Variants in ABLIM2 observed in about 807,000 individuals in gnomAD.
ABLIM2 encodes the protein actin binding LIM protein family member 2, also known as actin-binding LIM protein 2.
In ABLIM2, 53 loss-of-function variants were observed where a neutral mutation model predicts 97.7. The ratio of observed to expected loss-of-function variants is 0.54; its 90% CI spans 0.44 to 0.68. The LOEUF (loss-of-function observed/expected upper bound fraction) is 0.68. Ranked by LOEUF, ABLIM2 falls within the 30% of genes least tolerant of loss-of-function variation. ABLIM2 has a pLI of 0.00. For synonymous variants in ABLIM2, 361 were observed against 345.8 expected, an observed-to-expected ratio of 1.04 and a Z score of -0.49; for missense variants, 835 against 867.2, an observed-to-expected ratio of 0.96 and a Z score of 0.47.
chr4:8,019,717 A>G lies in ABLIM2; in HGVS notation c.1370-46T>C. 6.4e-7 allele frequency: 1 copy of G among 1,553,956 alleles called. No individual in the cohort carries two copies. Among genetic ancestry groups the G allele is most frequent in the East Asian group, 2.2e-5 (1 of 44,484 alleles). On this transcript the variant is annotated intron_variant, in intron 13 of 20. Transcript: ENST00000447017. The surrounding 1 kb of genome is among the most constrained non-coding windows in gnomAD (Gnocchi z 4.3). ...AAAAGGAGAGAACAGGAGGGTAAGC[A>G]GCAAGTTGTGATGGTTTCTGTTCTA...
chr4:8,024,383 C>T (rs975871383), intron 12 of ABLIM2, among the ~76,000 whole-genome samples: 2 of 151,944 alleles, frequency 1.3e-5, no homozygotes, highest in Non-Finnish European at 2.9e-5. Context: ...GAAGGTGTGC[C>T]GGGGGTGAGG....
In ABLIM2 at chr4:8,002,629, G is replaced by A. The variant is rs1480580257; in HGVS notation, c.1618+5430C>T. ...CCAGCTTCTGGCGAGTCCCAGCTCC[G>A]CCACCCTCACCGTCTCGGTTTCCCA... On this transcript the variant is annotated intron_variant, in intron 16 of 20. Transcript: ENST00000447017. This position sits in a 1 kb window ranked among gnomAD's most constrained non-coding sequence, Gnocchi z 6.1. 1.3e-5 allele frequency among the ~76,000 whole-genome samples: 2 copies of A among 151,992 alleles called. No individual in the cohort carries two copies. The highest frequency in any genetic ancestry group is 2.4e-5 in the African/African-American group (1 of 41,360).
intron 1 of ABLIM2, among the ~76,000 whole-genome samples, chr4:8,154,281 C>A (rs76472061): frequency 8.7e-6 from 1 of 114,530 alleles, no homozygotes; most frequent in Non-Finnish European, 1.7e-5. Context: ...CTTTTCTTTT[C>A]TTTTTTTTTT....
rs1790068770 is a variant in ABLIM2, at chr4:8,043,431, G to A, written c.900+1733C>T. Reference sequence around the variant, plus strand: ...ATTATGGACTGAACTGTGTCTCCCCGAATTCCTGTGTTGGTAAAGTCCTAA... The same window carrying A: ...ATTATGGACTGAACTGTGTCTCCCCAAATTCCTGTGTTGGTAAAGTCCTAA... On this transcript the variant is annotated intron_variant, in intron 9 of 20. Transcript: ENST00000447017. This position sits in a 1 kb window ranked among gnomAD's most constrained non-coding sequence, Gnocchi z 4.8. Among the ~76,000 whole-genome samples, 1 of 152,054 alleles carries A rather than the reference G, an allele frequency of 6.6e-6. No homozygotes were observed. The highest frequency in any genetic ancestry group is 2.1e-4 in the South Asian group (1 of 4,818).
chr4:8,083,636 C>T lies in ABLIM2; in HGVS notation c.455-2834G>A, dbSNP rs1015365044. 2.0e-5 allele frequency among the ~76,000 whole-genome samples: 3 copies of T among 152,242 alleles called. No homozygotes were observed. The highest frequency in any genetic ancestry group is 2.0e-4 in the Admixed American group (3 of 15,284). ...CGTTGCCATGGAAACCACATCCTCA[C>T]TTTCTAAACACATCCGGAGCTCCAC... On this transcript the variant is annotated intron_variant, in intron 4 of 20. Transcript: ENST00000447017. The surrounding 1 kb of genome is among the most constrained non-coding windows in gnomAD (Gnocchi z 4.6).
chr4:8,051,548 G>T (rs1294471832), intron 8 of ABLIM2, among the ~76,000 whole-genome samples: 1 of 135,660 alleles, frequency 7.4e-6, no homozygotes, highest in Non-Finnish European at 1.5e-5. Context: ...TGAAGACAGA[G>T]CGAGATTCCA....
chr4:8,093,116 TG>T (rs1829733616), intron 3 of ABLIM2, among the ~76,000 whole-genome samples: 1 of 152,384 alleles, frequency 6.6e-6, no homozygotes, highest in South Asian at 2.1e-4. Flanking sequence ...CCCAAAGTGC[TG>T]GGATTACAGG....
intron 1 of ABLIM2, among the ~76,000 whole-genome samples, chr4:8,131,160 T>A (rs144563113): frequency 7.7e-4 from 118 of 152,290 alleles, no homozygotes; most frequent in African/African-American, 2.8e-3. Context: ...TTTTTCCACA[T>A]AAGGCAATAT....
At chr4:8,151,412 G>A (rs373269435) in intron 1 of ABLIM2, among the ~76,000 whole-genome samples, 2 of 152,278 alleles carry the variant, frequency 1.3e-5, no homozygotes, top group East Asian at 1.9e-4. Flanking sequence ...CCACAGACGC[G>A]AGGGACCCAG....
At position 8,123,698 on chromosome 4, in the gene ABLIM2, C is replaced by T. The variant is rs1226238488; in HGVS notation, c.11-17061G>A. 6.6e-6 allele frequency among the ~76,000 whole-genome samples: 1 copy of T among 152,170 alleles called. No individual in the cohort carries two copies. The highest frequency in any genetic ancestry group is 2.4e-5 in the African/African-American group (1 of 41,446). On this transcript the variant is annotated intron_variant, in intron 1 of 20. Coordinates refer to ENST00000447017, the MANE Select transcript of ABLIM2 (RefSeq NM_001130083.2). The surrounding 1 kb of genome is among the most constrained non-coding windows in gnomAD (Gnocchi z 6.2). ...GTCTCCTGGGGGCGTCATCCTTGTA[C>T]TGACAGGGTCCGGCTCACACACCAA...
At chr4:7,967,173 C>T (rs1459721907) in intron 20 of ABLIM2, 70 bp from the exon 21 acceptor site, 4 of 1,333,944 alleles carry the variant, frequency 3.0e-6, no homozygotes, top group East Asian at 2.3e-5. Context: ...GGGCAGTTTG[C>T]TGCCGCCAAG....
rs73214090 is a variant in ABLIM2 at position 8,016,782 on chromosome 4, T to C, written c.1423+2836A>G. On this transcript the variant is annotated intron_variant, in intron 14 of 20. Transcript: ENST00000447017. ...TGCTCTCCACAGAACACCTGCCCAGTGTTGGCGTCTCTACCAATGAACGGA... is the reference window on the plus strand; with the variant it reads ...TGCTCTCCACAGAACACCTGCCCAGCGTTGGCGTCTCTACCAATGAACGGA... Among the ~76,000 whole-genome samples the C allele has an allele frequency of 8.2e-3, 1,246 of 152,304 alleles. 11 individuals carry two copies. Among genetic ancestry groups the C allele is most frequent in the South Asian group, 0.014 (69 of 4,828 alleles).
At position 8,059,906 on chromosome 4, in the gene ABLIM2, C is replaced by CA. The variant is rs201148410; in HGVS notation, c.763+1060dup. 3.5e-3 allele frequency among the ~76,000 whole-genome samples: 434 copies of CA among 123,912 alleles called. 1 individual carries two copies. The highest frequency in any genetic ancestry group is 6.0e-3 in the African/African-American group (209 of 34,700). The allele number at this position is 123,912 out of a possible 152,430, so 81.3% of individuals were successfully genotyped here. ...TGGGCAACAGAGCAAGACTCTGTTT[C>CA]AAAAAAAAAAAAAAAAAAAAACCCC... On this transcript the variant is annotated intron_variant, in intron 7 of 20. Transcript: ENST00000447017.
Position 8,130,608 on chromosome 4 carries a change from G to A in ABLIM2, c.11-23971C>T, listed in dbSNP as rs900446003. On this transcript the variant is annotated intron_variant, in intron 1 of 20. Coordinates refer to ENST00000447017, the MANE Select transcript of ABLIM2 (RefSeq NM_001130083.2). The surrounding 1 kb of genome is among the most constrained non-coding windows in gnomAD (Gnocchi z 4.2). ...AGGCAGCCTGGCCCGAGTCCAGGGT[G>A]TGCTTGACGGCACCCAGGGGAGCAC... is the stretch of plus-strand genomic sequence containing the variant. Among the ~76,000 whole-genome samples the A allele has an allele frequency of 2.0e-5, 3 of 152,048 alleles. No homozygotes were observed. Among genetic ancestry groups the A allele is most frequent in the Non-Finnish European group, 2.9e-5 (2 of 68,022 alleles).
chr4:8,071,953 G>A lies in ABLIM2; in HGVS notation c.675+5675C>T, dbSNP rs1377411009. ...ACCGGCACACTGGGCCGAGCATCAGGCAGTGCCACCGCGGCGGCGGCAGCT... is the reference window on the plus strand; with the variant it reads ...ACCGGCACACTGGGCCGAGCATCAGACAGTGCCACCGCGGCGGCGGCAGCT... On this transcript the variant is annotated intron_variant, in intron 6 of 20. Transcript: ENST00000447017. This position sits in a 1 kb window ranked among gnomAD's most constrained non-coding sequence, Gnocchi z 6.2. The A allele has an allele frequency of 1.0e-6, 1 of 985,378 alleles. No homozygotes were observed. Among genetic ancestry groups the A allele is most frequent in the African/African-American group, 1.7e-5 (1 of 57,224 alleles). The allele number at this position is 985,378 out of a possible 1,614,324, so 61.0% of individuals were successfully genotyped here. A position where few individuals can be genotyped will look rare whatever the true frequency, so the allele number is the denominator to read the frequency against.
rs1714865445 is a variant in ABLIM2 at position 8,155,055 on chromosome 4, G to A, written c.10+3625C>T. Among the ~76,000 whole-genome samples, 1 of 152,198 alleles carries A rather than the reference G, an allele frequency of 6.6e-6. No individual in the cohort carries two copies. Among genetic ancestry groups the A allele is most frequent in the South Asian group, 2.1e-4 (1 of 4,830 alleles). Reference sequence around the variant, plus strand: ...CCCTGTGATTCAATTATCTCCACCTGGCCCTGCCCTTGACACGTGGGGATT... The same window carrying A: ...CCCTGTGATTCAATTATCTCCACCTAGCCCTGCCCTTGACACGTGGGGATT... On this transcript the variant is annotated intron_variant, in intron 1 of 20. Transcript: ENST00000447017. The surrounding 1 kb of genome is among the most constrained non-coding windows in gnomAD (Gnocchi z 4.2).
intron 17 of ABLIM2, among the ~76,000 whole-genome samples, chr4:7,991,496 C>T (rs1250816752): frequency 6.6e-6 from 1 of 151,056 alleles, no homozygotes; most frequent in Non-Finnish European, 1.5e-5. Flanking sequence ...TCCCACTGTC[C>T]CCAGGACCCC....
chr4:8,101,560 C>T (rs1248211758), intron 2 of ABLIM2, among the ~76,000 whole-genome samples: 1 of 152,258 alleles, frequency 6.6e-6, no homozygotes, highest in Non-Finnish European at 1.5e-5. Context: ...GATGCATCCT[C>T]AGGGACAACT....
Position 8,108,730 on chromosome 4 carries a change from C to T in ABLIM2, c.11-2093G>A, listed in dbSNP as rs1838761401. Among the ~76,000 whole-genome samples the T allele has an allele frequency of 2.6e-5, 4 of 152,376 alleles. No individual in the cohort carries two copies. In the South Asian group the frequency reaches 8.3e-4, roughly 32 times the overall value. On this transcript the variant is annotated intron_variant, in intron 1 of 20. Transcript: ENST00000447017. ...AGCCTCCATGGGGGCTCACCAGGAGCCATCCTTTCCCCTCAGAGGCTTCCC... is the reference window on the plus strand; with the variant it reads ...AGCCTCCATGGGGGCTCACCAGGAGTCATCCTTTCCCCTCAGAGGCTTCCC...
Sources: allele counts gnomAD v4.1 joint callset (sites outside exome capture counted in the v4.1 genomes callset), GRCh38; gene constraint gnomAD v4.1.1; non-coding constraint Gnocchi (gnomAD v3.1); transcripts MANE v1.5; gene names NCBI Gene and HGNC (gene_info 2026-07-23, HGNC 2026-07-21).